Variants in NELL1 observed in about 807,000 individuals in gnomAD.
The protein encoded by NELL1 is protein kinase C-binding protein NELL1.
A neutral mutation model predicts 107.4 loss-of-function variants in NELL1; 76 were observed. The observed-to-expected ratio is 0.71, with a 90% CI of 0.59 to 0.86. The LOEUF is 0.86. Among genes scored for constraint, NELL1 ranks in the 40% least tolerant of loss-of-function variants. The pLI is 0.00. For missense variants in NELL1, 1,024 were observed against 1,005.5 expected, an observed-to-expected ratio of 1.02 and a Z score of -0.25; for synonymous variants, 353 against 341.2, an observed-to-expected ratio of 1.03 and a Z score of -0.38.
chr11:21,445,973 G>A (rs972275677), intron 15 of NELL1, among the ~76,000 whole-genome samples: 1 of 151,942 alleles, frequency 6.6e-6, no homozygotes, highest in Admixed American at 6.5e-5. Context: ...TATGTCCAAT[G>A]ACTCTTAGAT....
At chr11:21,351,857 T>G (rs931979226) in intron 14 of NELL1, among the ~76,000 whole-genome samples, 1 of 152,184 alleles carries the variant, frequency 6.6e-6, no homozygotes, top group African/African-American at 2.4e-5. Context: ...TAACATAATG[T>G]CATTCTGTAG....
chr11:21,197,495 C>T (rs531297423), intron 13 of NELL1, among the ~76,000 whole-genome samples: 84 of 151,894 alleles, frequency 5.5e-4, no homozygotes, highest in South Asian at 4.6e-3. Context: ...TGTTAGACAG[C>T]CTCAGCCAGA....
chr11:21,373,107 C>A (rs1364258653), intron 15 of NELL1, among the ~76,000 whole-genome samples: 1 of 152,064 alleles, frequency 6.6e-6, no homozygotes, highest in Non-Finnish European at 1.5e-5. Context: ...AACAAGATTT[C>A]TCTGCATTTA....
chr11:21,223,008 A>G (rs944709189), intron 13 of NELL1, among the ~76,000 whole-genome samples: 2 of 152,148 alleles, frequency 1.3e-5, no homozygotes, highest in Non-Finnish European at 2.9e-5. Flanking sequence ...AGAAGAATGT[A>G]TGCTTTGTCG....
At chr11:20,844,983 T>C (rs1283476620) in intron 3 of NELL1, among the ~76,000 whole-genome samples, 1 of 152,214 alleles carries the variant, frequency 6.6e-6, no homozygotes, top group Non-Finnish European at 1.5e-5. Context: ...TTGTAGAGCA[T>C]TACTGCCTGG....
At chr11:21,337,837 T>TTTCTTTCCTTTCTTTCTTTC (rs71034505) in intron 14 of NELL1, among the ~76,000 whole-genome samples, 1 of 86,616 alleles carries the variant, frequency 1.2e-5, no homozygotes, top group African/African-American at 4.7e-5. Flanking sequence ...TCTTTCTTTC[T>TTTCTTTCCTTTCTTTCTTTC]TTTCTTTCTT....
chr11:21,572,352 TAATA>T (rs1460774146), intron 18 of NELL1, among the ~76,000 whole-genome samples: 3 of 151,864 alleles, frequency 2.0e-5, no homozygotes, highest in African/African-American at 7.2e-5. Context: ...GGGTCATACT[TAATA>T]AATATTCAAG....
intron 12 of NELL1, among the ~76,000 whole-genome samples, chr11:21,031,825 G>C (rs147838412): frequency 0.041 from 6,216 of 152,046 alleles, 183 homozygotes; most frequent in Middle Eastern, 0.075. Flanking sequence ...GAGGCAGGCG[G>C]ATCACCTGAG....
chr11:21,443,647 C>T (rs987469224), intron 15 of NELL1, among the ~76,000 whole-genome samples: 2 of 151,352 alleles, frequency 1.3e-5, no homozygotes, highest in Non-Finnish European at 2.9e-5. Context: ...CAGCACTTTG[C>T]GATGCTGAGG....
chr11:21,302,655 G>A (rs1253639239), intron 14 of NELL1, among the ~76,000 whole-genome samples: 6 of 151,944 alleles, frequency 3.9e-5, no homozygotes, highest in African/African-American at 1.4e-4. Flanking sequence ...AGTAATTAAA[G>A]ATAGACTAAG....
At chr11:21,322,709 A>G (rs868095279) in intron 14 of NELL1, among the ~76,000 whole-genome samples, 3 of 152,232 alleles carry the variant, frequency 2.0e-5, no homozygotes, top group Middle Eastern at 6.8e-3. Context: ...GCCTGGTTCC[A>G]TGAAACCAGA....
Position 21,103,772 on chromosome 11 carries a change from G to C in NELL1, c.1301-9817G>C, listed in dbSNP as rs182816247. 9.8e-5 allele frequency among the ~76,000 whole-genome samples: 15 copies of C among 152,294 alleles called. No homozygotes were observed. In the East Asian group the frequency reaches 1.9e-3, roughly 20 times the overall value. ...ATAGGAAAGACCATCAATGTTTTAT[G>C]AAGGCATCTTTCTTGCATTTTCAAG... On this transcript the variant is annotated intron_variant, in intron 12 of 19. Transcript: ENST00000357134.
At chr11:20,779,067 G>A (rs1024384331) in intron 2 of NELL1, among the ~76,000 whole-genome samples, 3 of 152,146 alleles carry the variant, frequency 2.0e-5, no homozygotes, top group Non-Finnish European at 4.4e-5. Flanking sequence ...GGTTTCCAGA[G>A]CCCACATGCT....
intron 13 of NELL1, among the ~76,000 whole-genome samples, chr11:21,227,648 G>C (rs1857929152): frequency 6.6e-6 from 1 of 152,116 alleles, no homozygotes; most frequent in African/African-American, 2.4e-5. Flanking sequence ...CATGCACAAG[G>C]GTATACTGTT....
intron 15 of NELL1, among the ~76,000 whole-genome samples, chr11:21,396,175 T>C (rs1012416249): frequency 2.6e-5 from 4 of 151,490 alleles, no homozygotes; most frequent in African/African-American, 7.3e-5. Context: ...ACTTACATTG[T>C]TACCTTTCTC....
intron 15 of NELL1, among the ~76,000 whole-genome samples, chr11:21,420,623 T>G (rs866796022): frequency 1.3e-5 from 2 of 152,158 alleles, no homozygotes; most frequent in South Asian, 2.1e-4. Flanking sequence ...CATGAAAATT[T>G]CTCTGAAGAG....
intron 14 of NELL1, among the ~76,000 whole-genome samples, chr11:21,293,448 T>G (rs905321576): frequency 1.3e-5 from 2 of 152,072 alleles, no homozygotes; most frequent in African/African-American, 2.4e-5. Context: ...CTGGAGAGGA[T>G]GTGGAGAAAT....
intron 5 of NELL1, among the ~76,000 whole-genome samples, chr11:20,886,921 T>G (rs534333997): frequency 6.6e-6 from 1 of 152,350 alleles, no homozygotes; most frequent in African/African-American, 2.4e-5. Context: ...TTGGAAAATC[T>G]ACACTGTATT....
chr11:21,562,040 C>T (rs1201243036), intron 17 of NELL1, among the ~76,000 whole-genome samples: 1 of 151,936 alleles, frequency 6.6e-6, no homozygotes, highest in African/African-American at 2.4e-5. Flanking sequence ...CATTACATAT[C>T]CTCACATCCT....
Sources: allele counts gnomAD v4.1 joint callset (sites outside exome capture counted in the v4.1 genomes callset), GRCh38; gene constraint gnomAD v4.1.1; transcripts MANE v1.5; gene names NCBI Gene and HGNC (gene_info 2026-07-23, HGNC 2026-07-21).